The following CNNM2 variants were observed in gnomAD, a reference collection of about 807,000 sequenced individuals.
CNNM2 encodes the protein metal transporter CNNM2.
In CNNM2, 12 loss-of-function variants were observed where a neutral mutation model predicts 66.9. That is an observed-to-expected ratio of 0.18 (90% CI 0.11 to 0.29). The LOEUF (loss-of-function observed/expected upper bound fraction) is 0.29, where lower values mean the gene tolerates loss of function less well. Among genes scored for constraint, CNNM2 ranks in the 10% least tolerant of loss-of-function variants. CNNM2 has a pLI of 1.00. For synonymous variants in CNNM2, 557 were observed against 501.8 expected (o/e 1.11, Z -1.47); for missense variants, 705 against 1,167.7 (o/e 0.60, Z 5.77).
chr10:102,944,889 C>T (rs528837438), intron 1 of CNNM2, among the ~76,000 whole-genome samples: 6 of 151,960 alleles, frequency 3.9e-5, no homozygotes, highest in East Asian at 1.9e-4. Context: ...TTTTGGAGTC[C>T]GGGCTAGTTG....
chr10:102,984,104 T>C (rs962226686), intron 1 of CNNM2, among the ~76,000 whole-genome samples: 12 of 152,342 alleles, frequency 7.9e-5, no homozygotes, highest in African/African-American at 2.9e-4. Context: ...AGTTGTTCAG[T>C]AAATATTTTT....
At chr10:102,993,105 A>G (rs2063927306) in intron 1 of CNNM2, among the ~76,000 whole-genome samples, 2 of 152,198 alleles carry the variant, frequency 1.3e-5, no homozygotes, top group Admixed American at 6.5e-5. Context: ...ATAGAACTTG[A>G]TACTCAGCAC....
At chr10:103,074,270 G>A (rs541298234) in intron 6 of CNNM2, among the ~76,000 whole-genome samples, 26 of 151,828 alleles carry the variant, frequency 1.7e-4, no homozygotes, top group Admixed American at 1.7e-3. Context: ...CCTGGGTGAC[G>A]AGAGGGAGAC....
At position 102,935,999 on chromosome 10, in the gene CNNM2, G is replaced by GT. The variant is rs201013870; in HGVS notation, c.1621+15905dup. The stretch of plus-strand genomic sequence containing the variant: ...AACTCTATGGTGTTTTTTTTTGTTT[G>GT]TTTTTTTGGTTTTTTTTTTGGTGCT... On this transcript the variant is annotated intron_variant, in intron 1 of 7. Transcript: ENST00000369878. Among the ~76,000 whole-genome samples the GT allele has an allele frequency of 4.0e-3, 601 of 150,510 alleles. 1 individual carries two copies. The highest frequency in any genetic ancestry group is 0.01 in the Middle Eastern group (3 of 294).
At chr10:102,960,757 CTG>C (rs1012487954) in intron 1 of CNNM2, among the ~76,000 whole-genome samples, 1 of 144,266 alleles carries the variant, frequency 6.9e-6, no homozygotes, top group African/African-American at 2.6e-5. Flanking sequence ...GTAGCTGAGA[CTG>C]TAGGTATGTG....
At chr10:102,949,818 TAAC>T (rs761296478) in intron 1 of CNNM2, among the ~76,000 whole-genome samples, 2 of 151,902 alleles carry the variant, frequency 1.3e-5, no homozygotes, top group Non-Finnish European at 2.9e-5. Flanking sequence ...ATAATAATAA[TAAC>T]AACAACAACA....
chr10:102,924,412 T>G (rs1845773501), intron 1 of CNNM2, among the ~76,000 whole-genome samples: 1 of 152,208 alleles, frequency 6.6e-6, no homozygotes, highest in Admixed American at 6.5e-5. Flanking sequence ...GCCAGCCTCT[T>G]TTCTAGCTTT....
intron 1 of CNNM2, among the ~76,000 whole-genome samples, chr10:102,991,650 G>A (rs559065514): frequency 1.3e-5 from 2 of 152,272 alleles, no homozygotes; most frequent in African/African-American, 4.8e-5. Flanking sequence ...AGGCCACTCT[G>A]AACTAGCATA....
At position 103,078,375 on chromosome 10, in the gene CNNM2, G is replaced by C. The variant is rs1050157006; in HGVS notation, c.*1195G>C. Reference sequence around the variant, plus strand: ...GCCCATGGGGCCCGGCAGTGGCTGTGTCCCCTGCCTGAGGGCTCTGTGCCT... The same window carrying C: ...GCCCATGGGGCCCGGCAGTGGCTGTCTCCCCTGCCTGAGGGCTCTGTGCCT... On this transcript the variant is annotated 3_prime_UTR_variant, in exon 8 of 8. Coordinates refer to ENST00000369878, the MANE Select transcript of CNNM2 (RefSeq NM_017649.5). The C allele has an allele frequency of 6.6e-6, 1 of 152,266 alleles. No individual in the cohort carries two copies. The highest frequency in any genetic ancestry group is 1.5e-5 in the Non-Finnish European group (1 of 68,058). The allele number at this position is 152,266 out of a possible 1,614,324, so 9.4% of individuals were successfully genotyped here. A position where few individuals can be genotyped will look rare whatever the true frequency, so the allele number is the denominator to read the frequency against.
intron 1 of CNNM2, among the ~76,000 whole-genome samples, chr10:103,032,855 C>G (rs796918777): frequency 6.6e-6 from 1 of 151,302 alleles, no homozygotes; most frequent in Non-Finnish European, 1.5e-5. Context: ...TGGTGGCTCA[C>G]GTCTGTAATC....
intron 1 of CNNM2, among the ~76,000 whole-genome samples, chr10:102,996,072 T>A (rs1438428370): frequency 6.6e-6 from 1 of 152,212 alleles, no homozygotes; most frequent in African/African-American, 2.4e-5. Context: ...AGAATTATCG[T>A]ATTATCCTAC....
intron 6 of CNNM2, among the ~76,000 whole-genome samples, chr10:103,072,739 GGA>G (rs1391544195): frequency 6.6e-6 from 1 of 152,176 alleles, no homozygotes; most frequent in East Asian, 1.9e-4. Context: ...ATTTATCTTC[GGA>G]GTTTTTTCCA....
intron 4 of CNNM2, 68 bp downstream of exon 4, chr10:103,057,032 A>G: frequency 6.6e-7 from 1 of 1,504,874 alleles, no homozygotes; most frequent in East Asian, 2.3e-5. Context: ...GTGTAAGTGA[A>G]TGGGTGTCAC....
chr10:103,076,209 T>G lies in CNNM2; in HGVS notation c.2357T>G (p.Leu786Arg). 1 of 1,587,286 alleles carries G rather than the reference T, an allele frequency of 6.3e-7. No homozygotes were observed. The highest frequency in any genetic ancestry group is 2.3e-5 in the East Asian group (1 of 43,580). ...AGCAATAACCAGCTCAATTCTTCGC[T>G]CCTCCAAGTCTACATCCCCGATTAC... The part of the protein sequence containing the change: ...GSSNNQLNSS[L>R]LQVYIPDYSV... The change falls in exon 7 of 8, where the codon CTC becomes CGC. Residue 786 changes from leucine to arginine, a missense_variant. This residue lies in a region of CNNM2 where 194 missense variants were observed against 227.6 expected (regional missense o/e 0.85). Coordinates refer to ENST00000369878, the MANE Select transcript of CNNM2 (RefSeq NM_017649.5).
intron 6 of CNNM2, among the ~76,000 whole-genome samples, chr10:103,075,713 G>A (rs919423664): frequency 1.3e-5 from 2 of 152,140 alleles, no homozygotes; most frequent in African/African-American, 2.4e-5. Context: ...TGTCCTCTGC[G>A]TAGCCTACCT....
chr10:103,007,282 G>T, intron 1 of CNNM2, among the ~76,000 whole-genome samples: 1 of 152,112 alleles, frequency 6.6e-6, no homozygotes, highest in Middle Eastern at 3.2e-3. Flanking sequence ...ACAGGACCAG[G>T]GCAAAATCAA....
intron 1 of CNNM2, among the ~76,000 whole-genome samples, chr10:102,976,242 A>G (rs1016119762): frequency 6.6e-6 from 1 of 152,138 alleles, no homozygotes; most frequent in African/African-American, 2.4e-5. Context: ...AGAGAAAGCA[A>G]AGTGAATAAC....
intron 1 of CNNM2, among the ~76,000 whole-genome samples, chr10:102,977,685 G>A (rs1262689875): frequency 6.6e-6 from 1 of 152,088 alleles, no homozygotes; most frequent in Non-Finnish European, 1.5e-5. Flanking sequence ...GCCGAGTGTG[G>A]TGGCACAAAC....
chr10:102,944,697 A>G (rs563971514), intron 1 of CNNM2, among the ~76,000 whole-genome samples: 3 of 151,928 alleles, frequency 2.0e-5, no homozygotes, highest in South Asian at 2.1e-4. Flanking sequence ...ACACTTCAGC[A>G]TGTATCTCTT....
Sources: gnomAD v4.1 joint callset for allele counts (sites outside exome capture counted in the v4.1 genomes callset) on GRCh38, gnomAD v4.1.1 for gene constraint, gnomAD v4.1.1 regional missense constraint, MANE v1.5 for transcripts, NCBI Gene and HGNC (gene_info 2026-07-23, HGNC 2026-07-21) for gene names.